Variants in RNFT1 observed in about 807,000 individuals in gnomAD.
RNFT1 encodes the protein E3 ubiquitin-protein ligase RNFT1.
In RNFT1, 35 loss-of-function variants were observed where a neutral mutation model predicts 53.2. The ratio of observed to expected loss-of-function variants is 0.66; its 90% CI spans 0.50 to 0.87. The LOEUF is 0.87. Among genes scored for constraint, RNFT1 ranks in the 40% least tolerant of loss-of-function variants. The probability of loss-of-function intolerance (pLI) is 0.00; values close to 1 mark genes in which losing one functional copy is unlikely to be tolerated. For synonymous variants in RNFT1, 141 were observed against 172.8 expected (o/e 0.82, Z 1.44); for missense variants, 421 against 515.0 (o/e 0.82, Z 1.77).
chr17:59,964,080 A>C (rs1177372114), intron 1 of RNFT1, among the ~76,000 whole-genome samples: 2 of 152,082 alleles, frequency 1.3e-5, no homozygotes, highest in South Asian at 2.1e-4. Context: ...GCAGAGAAAG[A>C]TCTCTCTAAT....
chr17:59,961,882 CTTTTTTTTTTTT>C (rs71370154), intron 3 of RNFT1, among the ~76,000 whole-genome samples: 1 of 91,430 alleles, frequency 1.1e-5, no homozygotes, highest in Non-Finnish European at 2.0e-5. Flanking sequence ...TGGCCCAGGT[CTTTTTTTTTTTT>C]TTTTTTTTTG....
intron 4 of RNFT1, chr17:59,959,474 T>C (rs1446317345): frequency 6.6e-6 from 1 of 152,242 alleles, no homozygotes; most frequent in Non-Finnish European, 1.5e-5. Flanking sequence ...GTTCTTACTT[T>C]CAGAAACAAC....
At chr17:59,964,573 C>G (rs569378779) in intron 1 of RNFT1, 35 bp downstream of exon 1, 1 of 1,564,770 alleles carries the variant, frequency 6.4e-7, no homozygotes, top group Non-Finnish European at 8.7e-7. Flanking sequence ...GGCCCCTCGC[C>G]GCCTCCTCCT....
intron 8 of RNFT1, among the ~76,000 whole-genome samples, chr17:59,953,529 C>T (rs1320422750): frequency 6.6e-6 from 1 of 152,128 alleles, no homozygotes; most frequent in Non-Finnish European, 1.5e-5. Context: ...GCACTAATCC[C>T]CTCATTTTAC....
Position 59,957,312 on chromosome 17 carries a change from A to G in RNFT1, c.917T>C (p.Phe306Ser). The G allele has an allele frequency of 6.2e-7, 1 of 1,614,062 alleles. No individual in the cohort carries two copies. Among genetic ancestry groups the G allele is most frequent in the East Asian group, 2.2e-5 (1 of 44,852 alleles). Residue 306 changes from phenylalanine to serine, a missense_variant, in exon 6 of 9, where the codon TTT becomes TCT. Transcript: ENST00000305783. Reference protein sequence around the residue: ...YRTFVPIPVWFRYLISYGEFG... With the variant: ...YRTFVPIPVWSRYLISYGEFG... ...CTCCCCATAGCTTATAAGGTAGCGA[A>G]ACCAAACTGGTATGGGAACAAAAGT...
At chr17:59,960,398 A>G (rs1032646269) in intron 3 of RNFT1, among the ~76,000 whole-genome samples, 10 of 149,936 alleles carry the variant, frequency 6.7e-5, no homozygotes, top group Non-Finnish European at 1.0e-4. Flanking sequence ...CACTGTATGA[A>G]AAACATTACC....
rs1363698745 is a variant in RNFT1 at position 59,962,599 on chromosome 17, C to G, written c.532G>C (p.Gly178Arg). The change falls in exon 3 of 9, where the codon GGG becomes CGG. Residue 178 changes from glycine (G) to arginine (R), a missense_variant. Transcript: ENST00000305783. ...GCATACATAAAAGTTGTTAGCAGCCCAATTCCAAGAGAAATTCCTGTTAGA... is the reference window on the plus strand; with the variant it reads ...GCATACATAAAAGTTGTTAGCAGCCGAATTCCAAGAGAAATTCCTGTTAGA... ...QHITGISLGI[G>R]LLTTFMYANK... 3 of 1,599,904 alleles carry G rather than the reference C, an allele frequency of 1.9e-6. No homozygotes were observed. The highest frequency in any genetic ancestry group is 2.6e-6 in the Non-Finnish European group (3 of 1,175,754).
chr17:59,963,494 CAA>C (rs372745973), intron 1 of RNFT1, among the ~76,000 whole-genome samples: 3 of 143,220 alleles, frequency 2.1e-5, no homozygotes, highest in Non-Finnish European at 3.1e-5. Flanking sequence ...ACATTTGCAC[CAA>C]AAAAAAAAAA....
rs930974401 is a variant in RNFT1 at position 59,962,541 on chromosome 17, C to T, written c.590G>A (p.Arg197Lys). Residue 197 changes from arginine (R) to lysine (K), a missense_variant and splice_region_variant, in exon 3 of 9, where the codon AGA becomes AAA. By Grantham distance (26) the Arg-to-Lys change is conservative (BLOSUM62 2). Coordinates refer to ENST00000305783, the MANE Select transcript of RNFT1 (RefSeq NM_016125.4). ...NKSIVNQVFLRERSSKIQCAW... is the reference protein window; with the variant it reads ...NKSIVNQVFLKERSSKIQCAW... ...TTTTTAGTTGCTTGTTATACTTACT[C>T]TTAGAAAAACCTGATTTACAATGCT... is the stretch of plus-strand genomic sequence containing the variant. 1.3e-6 allele frequency: 2 copies of T among 1,596,784 alleles called. No homozygotes were observed. Among genetic ancestry groups the T allele is most frequent in the Non-Finnish European group, 1.7e-6 (2 of 1,170,120 alleles).
At chr17:59,955,495 A>G (rs1410390546) in intron 7 of RNFT1, among the ~76,000 whole-genome samples, 3 of 152,184 alleles carry the variant, frequency 2.0e-5, no homozygotes, top group African/African-American at 7.2e-5. Context: ...TATTTTCTTG[A>G]GAGTATTTCG....
At chr17:59,954,337 A>G (rs1015280314) in intron 7 of RNFT1, among the ~76,000 whole-genome samples, 191 bp from the exon 8 acceptor site, 3 of 152,252 alleles carry the variant, frequency 2.0e-5, no homozygotes, top group African/African-American at 7.2e-5. Flanking sequence ...GAAATCATTA[A>G]ATAATACATA....
In RNFT1 at chr17:59,956,424, C is replaced by T. The variant is rs529296171; in HGVS notation, c.1071+64G>A. ...AATCCATTCTTGTAAAACTGCTGAA[C>T]TAAAAAAATTTTTGCAGTGAAGAAA... On this transcript the variant is annotated intron_variant, in intron 7 of 8. Coordinates refer to ENST00000305783, the MANE Select transcript of RNFT1 (RefSeq NM_016125.4). 5.1e-5 allele frequency: 56 copies of T among 1,104,446 alleles called. No homozygotes were observed. In the African/African-American group the frequency reaches 8.1e-4, roughly 16 times the overall value. 68.4% of individuals were successfully genotyped at this position (1,104,446 alleles called of 1,614,324 possible).
rs764522395 is a variant in RNFT1 at position 59,963,071 on chromosome 17, A to G, written c.270T>C (p.Cys90=). The change falls in exon 2 of 9, where the codon TGT becomes TGC. Residue 90 remains cysteine (C), a synonymous_variant. Transcript: ENST00000305783. ...HIQINSIPKE[C]AENASSRNIR... ...TATTTCTGGAGCTTGCATTTTCTGCACATTCTTTAGGTATGGAGTTTATCT... is the reference window on the plus strand; with the variant it reads ...TATTTCTGGAGCTTGCATTTTCTGCGCATTCTTTAGGTATGGAGTTTATCT... 1 of 1,614,236 alleles carries G rather than the reference A, an allele frequency of 6.2e-7. No homozygotes were observed. The highest frequency in any genetic ancestry group is 1.7e-5 in the Admixed American group (1 of 60,026).
chr17:59,954,748 T>G (rs1212650516), intron 7 of RNFT1, among the ~76,000 whole-genome samples: 3 of 152,190 alleles, frequency 2.0e-5, no homozygotes, highest in Non-Finnish European at 4.4e-5. Context: ...TAAAAATTAT[T>G]CGAAATTATA....
chr17:59,955,230 T>C (rs2045246513), intron 7 of RNFT1, among the ~76,000 whole-genome samples: 1 of 152,166 alleles, frequency 6.6e-6, no homozygotes, highest in African/African-American at 2.4e-5. Context: ...AAACTGGTAA[T>C]AAAGATTTCA....
In RNFT1 at chr17:59,955,355, C is replaced by T. The variant is rs2045247368; in HGVS notation, c.1071+1133G>A. On this transcript the variant is annotated intron_variant, in intron 7 of 8. Transcript: ENST00000305783. ...GCTGACAAGCTTTTAAGACGTTACT[C>T]ATCTGGCATCTTGGAGACTCCCTCT... is the stretch of plus-strand genomic sequence containing the variant. Among the ~76,000 whole-genome samples, 3 of 152,172 alleles carry T rather than the reference C, an allele frequency of 2.0e-5. No homozygotes were observed. In the South Asian group the frequency reaches 6.2e-4, roughly 31 times the overall value.
rs781156171 is a variant in RNFT1, at chr17:59,962,881, T to G, written c.460A>C (p.Ser154Arg). The G allele has an allele frequency of 1.9e-6, 3 of 1,613,940 alleles. No individual in the cohort carries two copies. In the South Asian group the frequency reaches 3.3e-5, roughly 18 times the overall value. ...CTCAGAATCAAAATATATGGAAGAC[T>G]TTTTTGCAGCCACTTGAAGAGATAG... ...FRYLFKWLQK[S>R]LPYILILSVK... The change falls in exon 2 of 9, where the codon AGT becomes CGT. Residue 154 changes from serine (S) to arginine (R), a missense_variant. By Grantham distance (110) the Ser-to-Arg change is moderately radical. Transcript: ENST00000305783.
intron 3 of RNFT1, among the ~76,000 whole-genome samples, chr17:59,962,167 G>A (rs1263077619): frequency 2.6e-5 from 4 of 152,128 alleles, no homozygotes; most frequent in African/African-American, 9.7e-5. Context: ...TTACAGGTGT[G>A]AGCCACCATG....
intron 7 of RNFT1, among the ~76,000 whole-genome samples, chr17:59,955,969 T>C (rs759708315): frequency 9.2e-5 from 14 of 152,200 alleles, no homozygotes; most frequent in Non-Finnish European, 1.8e-4. Context: ...ACTCAATTAA[T>C]TGTTAAATTT....
Sources: allele counts gnomAD v4.1 joint callset (sites outside exome capture counted in the v4.1 genomes callset), GRCh38; gene constraint gnomAD v4.1.1; transcripts MANE v1.5; gene names NCBI Gene and HGNC (gene_info 2026-07-23, HGNC 2026-07-21).